Variants in TMEM184B observed in about 807,000 individuals in gnomAD.
TMEM184B encodes the protein transmembrane protein 184B.
A neutral mutation model predicts 41.8 loss-of-function variants in TMEM184B; 17 were observed. The observed-to-expected ratio is 0.41, with a 90% CI of 0.28 to 0.61. The LOEUF is 0.61. TMEM184B is among the 20% of genes least tolerant of loss of function. The pLI is 0.34. For missense variants in TMEM184B, 393 were observed against 557.8 expected (o/e 0.70, Z 2.98); for synonymous variants, 240 against 229.5 (o/e 1.05, Z -0.41).
chr22:38,225,301 C>T lies in TMEM184B; in HGVS notation c.787+123G>A, dbSNP rs576093524. ...TCAGATTTCACCCCCAGCAAGTGCC[C>T]AGTGGGCTGAGGCCCCTCTGAACAG... On this transcript the variant is annotated intron_variant, in intron 7 of 8. Transcript: ENST00000361906. This position sits in a 1 kb window ranked among gnomAD's most constrained non-coding sequence, Gnocchi z 4.4. 192 of 1,272,558 alleles carry T rather than the reference C, an allele frequency of 1.5e-4. No individual in the cohort carries two copies. The African/African-American group carries it at 2.7e-3, about 18-fold the overall frequency. The allele number at this position is 1,272,558 out of a possible 1,614,324, so 78.8% of individuals were successfully genotyped here.
intron 3 of TMEM184B, among the ~76,000 whole-genome samples, chr22:38,235,819 T>C (rs1318478607): frequency 6.6e-6 from 1 of 152,136 alleles, no homozygotes; most frequent in Non-Finnish European, 1.5e-5. Context: ...AAATAAAAGA[T>C]GCGTGCGTGG....
Position 38,226,204 on chromosome 22 carries a change from C to T in TMEM184B, c.617+575G>A, listed in dbSNP as rs886205741. ...AAGCGATTCTCCTGCCTCAGCCTCC[C>T]GAGTAGCTGGGATTATAGGCACCCG... On this transcript the variant is annotated intron_variant, in intron 6 of 8. Coordinates refer to ENST00000361906, the MANE Select transcript of TMEM184B (RefSeq NM_012264.5). The surrounding 1 kb of genome is among the most constrained non-coding windows in gnomAD (Gnocchi z 4.6). Among the ~76,000 whole-genome samples, 1 of 151,972 alleles carries T rather than the reference C, an allele frequency of 6.6e-6. No homozygotes were observed. The highest frequency in any genetic ancestry group is 2.1e-4 in the South Asian group (1 of 4,816).
At chr22:38,246,192 G>A in intron 2 of TMEM184B, 92 bp from the exon 3 acceptor site, 2 of 1,472,424 alleles carry the variant, frequency 1.4e-6, no homozygotes. Flanking sequence ...CGACTCATCT[G>A]TGACCCGATG....
At chr22:38,231,150 C>T (rs765681913) in intron 4 of TMEM184B, 94 bp downstream of exon 4, 9 of 1,088,538 alleles carry the variant, frequency 8.3e-6, no homozygotes, top group African/African-American at 4.6e-5. Context: ...CACGGGCAGA[C>T]ATGGTCTGTG....
At chr22:38,254,501 G>A (rs997059605) in intron 1 of TMEM184B, among the ~76,000 whole-genome samples, 2 of 152,098 alleles carry the variant, frequency 1.3e-5, no homozygotes, top group East Asian at 3.9e-4. Context: ...TCGGGAGGCT[G>A]AGGCAGAACA....
intron 5 of TMEM184B, 136 bp downstream of exon 5, chr22:38,230,533 G>T (rs1436824322): frequency 7.6e-6 from 6 of 794,576 alleles, no homozygotes; most frequent in South Asian, 3.2e-5. Flanking sequence ...TAACAGCTTC[G>T]GGGGGTGGGT....
intron 3 of TMEM184B, among the ~76,000 whole-genome samples, chr22:38,234,879 C>T (rs1035807157): frequency 5.3e-5 from 8 of 152,178 alleles, no homozygotes; most frequent in Non-Finnish European, 8.8e-5. Flanking sequence ...GTGTCTTAAG[C>T]GCTCCATGCC....
At position 38,246,055 on chromosome 22, in the gene TMEM184B, A is replaced by G. The variant is rs1285961597; in HGVS notation, c.238T>C (p.Tyr80His). Residue 80 changes from tyrosine to histidine, a missense_variant, in exon 3 of 9, where the codon TAC becomes CAC. Transcript: ENST00000361906. The part of the protein sequence containing the change: ...RCYSCPNEQR[Y>H]IVRILFIVPI... ...ACGATGAAGAGGATGCGCACGATGT[A>G]GCGCTGCTCGTTGGGGCAGCTGTAG... The G allele has an allele frequency of 6.2e-7, 1 of 1,613,272 alleles. No individual in the cohort carries two copies. The highest frequency in any genetic ancestry group is 1.7e-5 in the Admixed American group (1 of 60,026).
At chr22:38,245,883 T>TGCCCCCC in intron 3 of TMEM184B, 52 bp downstream of exon 3, 2 of 1,288,710 alleles carry the variant, frequency 1.6e-6, no homozygotes, top group Non-Finnish European at 1.1e-6. Context: ...GGACAGGGGC[T>TGCCCCCC]CCCAGCCCCC....
intron 8 of TMEM184B, 196 bp from the exon 9 acceptor site, chr22:38,221,906 G>T: frequency 1.3e-6 from 1 of 770,290 alleles, no homozygotes; most frequent in Non-Finnish European, 2.0e-6. Context: ...TGGCTGGGGA[G>T]CCCCAAGGGG....
In TMEM184B at chr22:38,225,506, GGC is replaced by G; in HGVS notation, c.703_704del (p.Ala235HisfsTer86). On this transcript the variant is annotated frameshift_variant, in exon 7 of 9. Coordinates refer to ENST00000361906, the MANE Select transcript of TMEM184B (RefSeq NM_012264.5). LOFTEE classifies it high-confidence loss of function. The surrounding 1 kb of genome is among the most constrained non-coding windows in gnomAD (Gnocchi z 4.4). ...TGTAGGGGCTGAGCAGCTCCCGGGT[GGC>G]GAAGTAGAAGAGGAAGAGGGCGTAG... is the stretch of plus-strand genomic sequence containing the variant. ...ALYALFLFYF[A>X]TRELLSPYSP... is the part of the protein sequence containing the mutation. The G allele has an allele frequency of 6.2e-7, 1 of 1,600,644 alleles. No individual in the cohort carries two copies. Among genetic ancestry groups the G allele is most frequent in the Non-Finnish European group, 8.5e-7 (1 of 1,175,328 alleles).
chr22:38,249,312 C>T (rs1194222787), intron 1 of TMEM184B, among the ~76,000 whole-genome samples: 1 of 152,124 alleles, frequency 6.6e-6, no homozygotes, highest in African/African-American at 2.4e-5. Context: ...TCAAGCCTGG[C>T]TAATTTTCTA....
intron 1 of TMEM184B, among the ~76,000 whole-genome samples, chr22:38,269,306 C>T (rs557211258): frequency 4.6e-5 from 7 of 152,302 alleles, no homozygotes; most frequent in African/African-American, 1.7e-4. Context: ...CTGTAACCTC[C>T]GCCTCCCGGA....
rs117131279 is a variant in TMEM184B at position 38,263,510 on chromosome 22, G to A, written c.-59+9374C>T. Among the ~76,000 whole-genome samples the A allele has an allele frequency of 2.8e-3, 419 of 152,240 alleles. 1 individual carries two copies. The highest frequency in any genetic ancestry group is 4.7e-3 in the Non-Finnish European group (320 of 68,024). On this transcript the variant is annotated intron_variant, in intron 1 of 8. Coordinates refer to ENST00000361906, the MANE Select transcript of TMEM184B (RefSeq NM_012264.5). ...CGTCCATCTTATGTATTATGGCCAC[G>A]CGGTATCCCATGTTTAGACGGGCCA... is the stretch of plus-strand genomic sequence containing the variant.
intron 3 of TMEM184B, among the ~76,000 whole-genome samples, chr22:38,243,862 G>A (rs1187714723): frequency 6.6e-6 from 1 of 152,198 alleles, no homozygotes; most frequent in Non-Finnish European, 1.5e-5. Flanking sequence ...ATCCTGCTCT[G>A]GCAGGGCTAA....
At chr22:38,232,479 G>T (rs1465122892) in intron 3 of TMEM184B, among the ~76,000 whole-genome samples, 1 of 152,164 alleles carries the variant, frequency 6.6e-6, no homozygotes, top group Non-Finnish European at 1.5e-5. Context: ...GAAGGCGGGG[G>T]AAGGGGTGCA....
At chr22:38,260,187 C>T (rs146816191) in intron 1 of TMEM184B, among the ~76,000 whole-genome samples, 3,889 of 152,126 alleles carry the variant, frequency 0.026, 89 homozygotes, top group South Asian at 0.05. Context: ...GGATTACAGG[C>T]GTGATCCACC....
intron 3 of TMEM184B, among the ~76,000 whole-genome samples, chr22:38,240,133 G>T (rs558376313): frequency 2.9e-4 from 44 of 152,136 alleles, no homozygotes; most frequent in African/African-American, 9.9e-4. Context: ...CAAGGATACT[G>T]ATATTTGAGG....
At position 38,257,520 on chromosome 22, in the gene TMEM184B, C is replaced by T. The variant is rs147174907; in HGVS notation, c.-58-9501G>A. On this transcript the variant is annotated intron_variant, in intron 1 of 8. Coordinates refer to ENST00000361906, the MANE Select transcript of TMEM184B (RefSeq NM_012264.5). ...AAACCCAGTCTCTAAACAAGCCGAA[C>T]GTGAAGCCAGCCAGACCTTCCAAAC... Among the ~76,000 whole-genome samples, 1,451 of 152,258 alleles carry T rather than the reference C, an allele frequency of 9.5e-3. 18 individuals carry two copies. The highest frequency in any genetic ancestry group is 0.017 in the African/African-American group (711 of 41,548).
Sources: allele counts gnomAD v4.1 joint callset (sites outside exome capture counted in the v4.1 genomes callset), GRCh38; gene constraint gnomAD v4.1.1; non-coding constraint Gnocchi (gnomAD v3.1); transcripts MANE v1.5; gene names NCBI Gene and HGNC (gene_info 2026-07-23, HGNC 2026-07-21).